The following TRIO variants were observed in gnomAD, a reference collection of about 807,000 sequenced individuals.
The protein encoded by TRIO is trio Rho guanine nucleotide exchange factor.
A neutral mutation model predicts 351.9 loss-of-function variants in TRIO; 58 were observed. The ratio of observed to expected loss-of-function variants is 0.16; its 90% confidence interval spans 0.13 to 0.21. TRIO has a LOEUF of 0.21. Among genes scored for constraint, TRIO ranks in the 10% least tolerant of loss-of-function variants. The probability of loss-of-function intolerance (pLI) is 1.00; values close to 1 mark genes in which losing one functional copy is unlikely to be tolerated. For missense variants in TRIO, 3,201 were observed against 4,027.8 expected (o/e 0.79, Z 5.56); for synonymous variants, 1,758 against 1,595.7 (o/e 1.10, Z -2.42).
intron 1 of TRIO, among the ~76,000 whole-genome samples, chr5:14,227,377 G>A (rs971834767): frequency 6.6e-6 from 1 of 152,212 alleles, no homozygotes; most frequent in Non-Finnish European, 1.5e-5. Flanking sequence ...TTGTGCGTGG[G>A]AAATTGAATC....
intron 48 of TRIO, among the ~76,000 whole-genome samples, chr5:14,491,990 CAG>C (rs1398021535): frequency 6.6e-6 from 1 of 152,148 alleles, no homozygotes; most frequent in Non-Finnish European, 1.5e-5. Flanking sequence ...GATTTACGTT[CAG>C]GGGTTCCATG....
chr5:14,318,225 C>T lies in TRIO; in HGVS notation c.1731+1482C>T, dbSNP rs574648181. ...AAGAGAATCACTTGAACCCAGGAGG[C>T]GGAGGTTGCAGTGGGCCGATATCGC... On this transcript the variant is annotated intron_variant, in intron 9 of 56. Coordinates refer to ENST00000344204, the MANE Select transcript of TRIO (RefSeq NM_007118.4). Among the ~76,000 whole-genome samples, 15 of 125,744 alleles carry T rather than the reference C, an allele frequency of 1.2e-4. No individual in the cohort carries two copies. The South Asian group carries it at 1.3e-3, about 11-fold the overall frequency. The allele number at this position is 125,744 out of a possible 152,430, so 82.5% of individuals were successfully genotyped here.
intron 46 of TRIO, among the ~76,000 whole-genome samples, chr5:14,483,789 G>GC (rs1312528500): frequency 6.6e-6 from 1 of 152,104 alleles, no homozygotes; most frequent in Non-Finnish European, 1.5e-5. Flanking sequence ...GCCTTTTGAG[G>GC]CCCCTCACCC....
intron 34 of TRIO, among the ~76,000 whole-genome samples, chr5:14,444,551 A>G (rs1316824644): frequency 5.3e-5 from 8 of 152,216 alleles, no homozygotes; most frequent in African/African-American, 1.7e-4. Flanking sequence ...AGTTCTTGAT[A>G]ATCTCGCTGA....
At chr5:14,349,036 G>A (rs1342089584) in intron 11 of TRIO, among the ~76,000 whole-genome samples, 2 of 150,968 alleles carry the variant, frequency 1.3e-5, no homozygotes, top group East Asian at 2.0e-4. Context: ...TTATGTGTAC[G>A]CACGTGAGCA....
At chr5:14,450,976 G>T (rs1752813458) in intron 34 of TRIO, among the ~76,000 whole-genome samples, 1 of 152,220 alleles carries the variant, frequency 6.6e-6, no homozygotes, top group Non-Finnish European at 1.5e-5. Context: ...TAACTGGAAT[G>T]AACACATAGA....
In TRIO at chr5:14,509,498, G is replaced by A. The variant is rs1290762063; in HGVS notation, c.*1076G>A. Reference sequence around the variant, plus strand: ...GACTGTAAAAGTGATTTCATACTCTGAATATAAAACTGGATAATAGGGTAA... The same window carrying A: ...GACTGTAAAAGTGATTTCATACTCTAAATATAAAACTGGATAATAGGGTAA... On this transcript the variant is annotated 3_prime_UTR_variant, in exon 57 of 57. Transcript: ENST00000344204. 3 of 443,518 alleles carry A rather than the reference G, an allele frequency of 6.8e-6. No individual in the cohort carries two copies. The highest frequency in any genetic ancestry group is 8.9e-6 in the Non-Finnish European group (2 of 223,760). 27.5% of individuals were successfully genotyped at this position (443,518 alleles called of 1,614,324 possible).
chr5:14,287,911 A>T (rs758364732), intron 4 of TRIO, among the ~76,000 whole-genome samples: 1 of 152,246 alleles, frequency 6.6e-6, no homozygotes, highest in Non-Finnish European at 1.5e-5. Flanking sequence ...ATAATATTAA[A>T]CATCAGACAG....
intron 1 of TRIO, among the ~76,000 whole-genome samples, chr5:14,223,180 A>G (rs1792759356): frequency 6.6e-6 from 1 of 152,206 alleles, no homozygotes; most frequent in Non-Finnish European, 1.5e-5. Flanking sequence ...GACAGCGTCT[A>G]TCCCTGAGAG....
At chr5:14,431,114 T>A (rs930642299) in intron 34 of TRIO, among the ~76,000 whole-genome samples, 3 of 152,036 alleles carry the variant, frequency 2.0e-5, no homozygotes, top group Non-Finnish European at 4.4e-5. Context: ...GGCATGGGGG[T>A]AGGAGGCTAC....
At chr5:14,258,539 A>G (rs1264651081) in intron 1 of TRIO, among the ~76,000 whole-genome samples, 8 of 152,158 alleles carry the variant, frequency 5.3e-5, no homozygotes, top group African/African-American at 1.9e-4. Context: ...AAAAAGGAAA[A>G]CAGATTCCCC....
chr5:14,391,232 G>A (rs1206485696), intron 27 of TRIO, among the ~76,000 whole-genome samples: 1 of 152,118 alleles, frequency 6.6e-6, no homozygotes, highest in African/African-American at 2.4e-5. Flanking sequence ...ATATATAGAT[G>A]TATGTTTGTG....
intron 11 of TRIO, among the ~76,000 whole-genome samples, chr5:14,350,870 G>A (rs1242856575): frequency 1.3e-5 from 2 of 152,146 alleles, no homozygotes; most frequent in African/African-American, 4.8e-5. Context: ...AGCGGTGTTG[G>A]TGGGGGCAGG....
At chr5:14,348,148 G>T (rs1249156819) in intron 11 of TRIO, among the ~76,000 whole-genome samples, 1 of 151,806 alleles carries the variant, frequency 6.6e-6, no homozygotes, top group Non-Finnish European at 1.5e-5. Context: ...ATGTCGTTTT[G>T]TTTTGCTTAA....
At position 14,508,166 on chromosome 5, in the gene TRIO, A is replaced by G. The variant is rs773898427; in HGVS notation, c.9038A>G (p.Asp3013Gly). 10 of 1,614,138 alleles carry G rather than the reference A, an allele frequency of 6.2e-6. No individual in the cohort carries two copies. The highest frequency in any genetic ancestry group is 8.5e-6 in the Non-Finnish European group (10 of 1,180,024). ...TGCCGCTTAGACTTTAGCTTCCCAG[A>G]TGACTACTTTAAAGGAGTGAGCCAG... ...NICRLDFSFP[D>G]DYFKGVSQKA... Residue 3013 changes from aspartate (D) to glycine (G), a missense_variant, in exon 57 of 57, where the codon GAT becomes GGT. Asp to Gly is a moderately conservative substitution (Grantham distance 94). This residue lies in a region of TRIO where 233 missense variants were observed against 292.6 expected (regional missense o/e 0.80). Transcript: ENST00000344204.
intron 21 of TRIO, among the ~76,000 whole-genome samples, chr5:14,385,116 G>A (rs1426513662): frequency 1.3e-5 from 2 of 152,358 alleles, no homozygotes; most frequent in African/African-American, 2.4e-5. Context: ...ACGAGGCTCC[G>A]TTGCTGGGGG....
intron 1 of TRIO, among the ~76,000 whole-genome samples, chr5:14,155,846 A>C (rs1318793852): frequency 6.6e-6 from 1 of 152,148 alleles, no homozygotes; most frequent in African/African-American, 2.4e-5. Context: ...GTGGGGAGAT[A>C]ATTTGAGGCT....
chr5:14,314,664 A>G (rs996735094), intron 8 of TRIO, among the ~76,000 whole-genome samples: 3 of 152,220 alleles, frequency 2.0e-5, no homozygotes, highest in Non-Finnish European at 2.9e-5. Flanking sequence ...AAAGCAGGAC[A>G]TTTCTTCACC....
rs745774257 is a variant in TRIO at position 14,368,876 on chromosome 5, G to A, written c.3043G>A (p.Ala1015Thr). Residue 1015 changes from alanine (A) to threonine (T), a missense_variant, in exon 17 of 57, where the codon GCT becomes ACT. Ala to Thr is a moderately conservative substitution (Grantham distance 58). Transcript: ENST00000344204. ...DRLKLVNASV[A>T]FYKTSEQVCS... ...CCTCAAGCTCGTCAACGCCTCTGTC[G>A]CTTTCTACAAAACCTCAGAGCAGGT... The A allele has an allele frequency of 2.5e-6, 4 of 1,614,032 alleles. No individual in the cohort carries two copies. The highest frequency in any genetic ancestry group is 1.7e-5 in the Admixed American group (1 of 60,020).
Sources: allele counts gnomAD v4.1 joint callset (sites outside exome capture counted in the v4.1 genomes callset), GRCh38; gene constraint gnomAD v4.1.1; regional missense constraint gnomAD v4.1.1; transcripts MANE v1.5; gene names NCBI Gene and HGNC (gene_info 2026-07-23, HGNC 2026-07-21).